VCPKMT: variants seen among roughly 807,000 people sequenced by gnomAD.
The protein encoded by VCPKMT is protein N-lysine methyltransferase METTL21D.
In VCPKMT, 32 loss-of-function variants were observed where a neutral mutation model predicts 28.6. The observed-to-expected ratio is 1.12, with a 90% confidence interval of 0.84 to 1.50. The LOEUF (loss-of-function observed/expected upper bound fraction) is 1.50. VCPKMT is among the 40% of genes most tolerant of loss of function. The pLI, the probability that VCPKMT is intolerant of heterozygous loss-of-function variation, is 0.00. For missense variants in VCPKMT, 366 were observed against 285.0 expected, an observed-to-expected ratio of 1.28 and a Z score of -2.05; for synonymous variants, 138 against 111.4, an observed-to-expected ratio of 1.24 and a Z score of -1.50.
In VCPKMT at chr14:50,116,561, G is replaced by T; in HGVS notation, c.-9C>A. The T allele has an allele frequency of 6.3e-7, 1 of 1,596,516 alleles. No homozygotes were observed. Reference sequence around the variant, plus strand: ...TCCAGCGTATCCGCCATTGCGCCCGGCAACAGAAAGCGGCGCGCGCAGGGA... The same window carrying T: ...TCCAGCGTATCCGCCATTGCGCCCGTCAACAGAAAGCGGCGCGCGCAGGGA... On this transcript the variant is annotated 5_prime_UTR_variant, in exon 1 of 6. Coordinates refer to ENST00000395860, the MANE Select transcript of VCPKMT (RefSeq NM_024558.3).
At chr14:50,115,523 C>G (rs1374561806) in intron 3 of VCPKMT, among the ~76,000 whole-genome samples, 1 of 152,098 alleles carries the variant, frequency 6.6e-6, no homozygotes, top group African/African-American at 2.4e-5. Context: ...TAACATGTTC[C>G]GTGGGAACAA....
chr14:50,102,862 T>C, the VCPKMT span, among the ~76,000 whole-genome samples: 2 of 152,222 alleles, frequency 1.3e-5, no homozygotes, highest in African/African-American at 2.4e-5. Flanking sequence ...GAAGACCACC[T>C]ATTGAGTATT....
At chr14:50,111,760 C>G in intron 5 of VCPKMT, 1 of 599,352 alleles carries the variant, frequency 1.7e-6, no homozygotes, top group Non-Finnish European at 2.1e-6. Flanking sequence ...GTGGTGCATG[C>G]CTATGGTCCC....
rs1430926422 is a variant in VCPKMT, at chr14:50,115,930, A to G, written c.378-19T>C. 7 of 1,612,614 alleles carry G rather than the reference A, an allele frequency of 4.3e-6. No homozygotes were observed. The East Asian group carries it at 6.7e-5, about 15-fold the overall frequency. On this transcript the variant is annotated intron_variant, in intron 2 of 5. Transcript: ENST00000395860. ...TTCCCCCCTTAAAAATGCCAAACAA[A>G]TATTTCAATTGTTTTAATAATTCAA...
downstream of VCPKMT, chr14:50,108,517 G>C (rs570279180): frequency 2.8e-5 from 22 of 783,530 alleles, no homozygotes; most frequent in South Asian, 1.3e-3. Context: ...AACCTGAAAG[G>C]AATGAACTGA....
intron 4 of VCPKMT, among the ~76,000 whole-genome samples, chr14:50,113,776 G>A (rs970034320): frequency 3.2e-5 from 4 of 124,444 alleles, no homozygotes; most frequent in Non-Finnish European, 4.9e-5. Context: ...CATGCCTATA[G>A]TCCCACTTAC....
chr14:50,108,898 T>A lies in VCPKMT; in HGVS notation c.*801A>T. ...TTCATGTAAACAATACCAGTATTTT[T>A]AAGCCAGATTTTCCTGGAACATATA... On this transcript the variant is annotated 3_prime_UTR_variant, in exon 6 of 6. Coordinates refer to ENST00000395860, the MANE Select transcript of VCPKMT (RefSeq NM_024558.3). 1.0e-6 allele frequency: 1 copy of A among 985,492 alleles called. No individual in the cohort carries two copies. The highest frequency in any genetic ancestry group is 1.2e-6 in the Non-Finnish European group (1 of 829,946). The allele number at this position is 985,492 out of a possible 1,614,324, so 61.0% of individuals were successfully genotyped here.
At chr14:50,103,948 T>A (rs191554577), downstream of VCPKMT, among the ~76,000 whole-genome samples, 1 of 152,222 alleles carries the variant, frequency 6.6e-6, no homozygotes, top group African/African-American at 2.4e-5. Context: ...ATGTGCCTAG[T>A]ACCTAAGTAC....
rs766744133 is a variant in VCPKMT at position 50,116,499 on chromosome 14, T to C, written c.54A>G (p.Arg18=). Residue 18 remains arginine, a synonymous_variant, in exon 1 of 6, where the codon CGA becomes CGG. Transcript: ENST00000395860. ...CTGTACCATCCCGCTTCTCCAAAAC[T>C]CGCACAAAGCTCCGCAGTGGGTCCT... is the stretch of plus-strand genomic sequence containing the variant. The part of the protein sequence containing the change: ...SLEDPLRSFV[R]VLEKRDGTVL... 7 of 1,613,828 alleles carry C rather than the reference T, an allele frequency of 4.3e-6. No homozygotes were observed. Among genetic ancestry groups the C allele is most frequent in the East Asian group, 2.2e-5 (1 of 44,876 alleles).
intron 2 of VCPKMT, 32 bp downstream of exon 2, chr14:50,116,037 T>C (rs761247139): frequency 6.3e-7 from 1 of 1,596,062 alleles, no homozygotes; most frequent in South Asian, 1.1e-5. Context: ...TACAAATCAA[T>C]ATCTTAAAAC....
intron 3 of VCPKMT, among the ~76,000 whole-genome samples, chr14:50,114,669 AC>A (rs1490717108): frequency 2.6e-5 from 4 of 151,980 alleles, no homozygotes; most frequent in Non-Finnish European, 2.9e-5. Context: ...GAGACAAACC[AC>A]CCCCCGCAAC....
downstream of VCPKMT, among the ~76,000 whole-genome samples, chr14:50,104,295 G>A (rs965029338): frequency 6.6e-6 from 1 of 152,142 alleles, no homozygotes; most frequent in African/African-American, 2.4e-5. Flanking sequence ...GATATTCACA[G>A]AACTTCACCA....
Position 50,115,152 on chromosome 14 carries a change from T to TTTG in VCPKMT, c.450+686_450+687insCAA, listed in dbSNP as rs1310809150. On this transcript the variant is annotated intron_variant, in intron 3 of 5. Coordinates refer to ENST00000395860, the MANE Select transcript of VCPKMT (RefSeq NM_024558.3). The stretch of plus-strand genomic sequence containing the variant: ...AACACTATACAAACTGATGTTTTTT[T>TTTG]TTTTTTTTTTTTTTTTTGAGACAGA... 1.2e-3 allele frequency among the ~76,000 whole-genome samples: 148 copies of TTTG among 119,224 alleles called. 1 individual carries two copies. Among genetic ancestry groups the TTTG allele is most frequent in the African/African-American group, 3.8e-3 (141 of 37,558 alleles). The allele number at this position is 119,224 out of a possible 152,430, so 78.2% of individuals were successfully genotyped here.
At chr14:50,107,579 G>A (rs762812501), downstream of VCPKMT, among the ~76,000 whole-genome samples, 6 of 152,186 alleles carry the variant, frequency 3.9e-5, no homozygotes, top group Admixed American at 1.3e-4. Context: ...ATACAGGCGT[G>A]AGCCACCGCG....
chr14:50,106,002 T>C (rs1282237600), downstream of VCPKMT, among the ~76,000 whole-genome samples: 1 of 152,250 alleles, frequency 6.6e-6, no homozygotes, highest in Non-Finnish European at 1.5e-5. Context: ...CCGTATGTAC[T>C]AGGGGCCCAC....
chr14:50,113,170 G>GT (rs905845868), intron 4 of VCPKMT, among the ~76,000 whole-genome samples: 3 of 152,124 alleles, frequency 2.0e-5, no homozygotes, highest in Non-Finnish European at 4.4e-5. Context: ...CTTTATGTTG[G>GT]TAAGTAGTTA....
rs1377960523 is a variant in VCPKMT at position 50,116,105 on chromosome 14, A to T, written c.341T>A (p.Leu114His). Residue 114 changes from leucine (L) to histidine (H), a missense_variant, in exon 2 of 6, where the codon CTT (leucine) becomes CAT (histidine). Leu to His is a moderately conservative substitution (Grantham distance 99, BLOSUM62 -3). Coordinates refer to ENST00000395860, the MANE Select transcript of VCPKMT (RefSeq NM_024558.3). Reference protein sequence around the residue: ...LKMNINMNKHLVTGSVQAKVL... With the variant: ...LKMNINMNKHHVTGSVQAKVL... ...CTTGGCTTGAACAGAACCAGTGACA[A>T]GATGCTTGTTCATATTAATATTCAT... is the stretch of plus-strand genomic sequence containing the variant. 6.2e-7 allele frequency: 1 copy of T among 1,613,952 alleles called. No homozygotes were observed. Among genetic ancestry groups the T allele is most frequent in the Admixed American group, 1.7e-5 (1 of 60,002 alleles).
chr14:50,114,191 C>T, intron 4 of VCPKMT, 94 bp downstream of exon 4: 1 of 1,244,766 alleles, frequency 8.0e-7, no homozygotes, highest in Non-Finnish European at 1.1e-6. Flanking sequence ...AGCATGTTTT[C>T]CCCACCCAAA....
Position 50,115,898 on chromosome 14 carries a change from CTA to C in VCPKMT, c.389_390del (p.Ile130ArgfsTer19). 6.2e-7 allele frequency: 1 copy of C among 1,613,506 alleles called. No individual in the cohort carries two copies. Among genetic ancestry groups the C allele is most frequent in the Non-Finnish European group, 8.5e-7 (1 of 1,179,500 alleles). On this transcript the variant is annotated frameshift_variant, in exon 3 of 6. Coordinates refer to ENST00000395860, the MANE Select transcript of VCPKMT (RefSeq NM_024558.3). LOFTEE classifies it high-confidence loss of function. Reference sequence around the variant, plus strand: ...AAGTCGGGTGGAGAAGGAAAGCCTTCTATTTCTTCCCCCCTTAAAAATGCCAA... The same window carrying C: ...AAGTCGGGTGGAGAAGGAAAGCCTTCTTTCTTCCCCCCTTAAAAATGCCAA... ...QAKVLKWGEE[I>X]EGFPSPPDFI...
Sources: allele counts gnomAD v4.1 joint callset (sites outside exome capture counted in the v4.1 genomes callset), GRCh38; gene constraint gnomAD v4.1.1; transcripts MANE v1.5; gene names NCBI Gene and HGNC (gene_info 2026-07-23, HGNC 2026-07-21).